DLG2: variants seen among roughly 807,000 people sequenced by gnomAD.
The protein encoded by DLG2 is discs large MAGUK scaffold protein 2, also known as disks large homolog 2.
In DLG2, 45 loss-of-function variants were observed where a neutral mutation model predicts 132.5. That is an observed-to-expected ratio of 0.34 (90% confidence interval 0.27 to 0.44). The LOEUF (loss-of-function observed/expected upper bound fraction) is 0.44. Among genes scored for constraint, DLG2 ranks in the 20% least tolerant of loss-of-function variants. The pLI is 1.00. For missense variants in DLG2, 1,045 were observed against 1,196.9 expected, an observed-to-expected ratio of 0.87 and a Z score of 1.87; for synonymous variants, 424 against 419.6, an observed-to-expected ratio of 1.01 and a Z score of -0.13.
intron 6 of DLG2, among the ~76,000 whole-genome samples, chr11:85,104,381 T>C (rs1187066155): frequency 1.3e-5 from 2 of 151,716 alleles, no homozygotes; most frequent in African/African-American, 4.8e-5. Flanking sequence ...TTCAGCAAAA[T>C]AATGAAGAAA....
At chr11:84,992,366 G>A (rs1217886417) in intron 6 of DLG2, among the ~76,000 whole-genome samples, 2 of 152,104 alleles carry the variant, frequency 1.3e-5, no homozygotes, top group African/African-American at 2.4e-5. Context: ...CCAGATCCTA[G>A]ACTGATATCC....
intron 3 of DLG2, among the ~76,000 whole-genome samples, chr11:85,347,368 C>G (rs981805717): frequency 6.6e-6 from 1 of 152,070 alleles, no homozygotes; most frequent in Non-Finnish European, 1.5e-5. Flanking sequence ...TCCCTGTTAT[C>G]TGATTGCAGA....
At chr11:84,162,400 ATAATC>A (rs2095566295) in intron 9 of DLG2, among the ~76,000 whole-genome samples, 1 of 151,874 alleles carries the variant, frequency 6.6e-6, no homozygotes. Flanking sequence ...ATTTAATAAT[ATAATC>A]TAGGTAGACC....
At chr11:84,060,393 T>G (rs1471377506) in intron 10 of DLG2, among the ~76,000 whole-genome samples, 1 of 152,092 alleles carries the variant, frequency 6.6e-6, no homozygotes, top group Non-Finnish European at 1.5e-5. Flanking sequence ...TTCCCCACCC[T>G]CCTCTCCACC....
chr11:84,413,326 G>C (rs1417861174), intron 7 of DLG2, among the ~76,000 whole-genome samples: 3 of 152,210 alleles, frequency 2.0e-5, no homozygotes, highest in Non-Finnish European at 4.4e-5. Context: ...TACTAGTTTA[G>C]AAGTGGTATT....
intron 15 of DLG2, among the ~76,000 whole-genome samples, chr11:83,884,266 A>C (rs1262900240): frequency 6.6e-6 from 1 of 152,222 alleles, no homozygotes; most frequent in Non-Finnish European, 1.5e-5. Context: ...CGACGGGCTT[A>C]AAAAACGGCG....
chr11:84,066,949 G>T (rs1349667691), intron 10 of DLG2, among the ~76,000 whole-genome samples: 1 of 152,096 alleles, frequency 6.6e-6, no homozygotes, highest in Non-Finnish European at 1.5e-5. Context: ...GAAGAAAGCT[G>T]ATCAATGTTT....
chr11:85,176,128 G>A (rs1390948672), intron 4 of DLG2, among the ~76,000 whole-genome samples: 1 of 152,058 alleles, frequency 6.6e-6, no homozygotes, highest in Non-Finnish European at 1.5e-5. Flanking sequence ...AAATTCATGT[G>A]GAACCAAAAA....
At chr11:84,073,344 GA>G (rs1239676266) in intron 10 of DLG2, among the ~76,000 whole-genome samples, 114 of 138,394 alleles carry the variant, frequency 8.2e-4, no homozygotes, top group African/African-American at 1.5e-3. Flanking sequence ...TTAGCATTAA[GA>G]AAAAAAAAAA....
intron 7 of DLG2, among the ~76,000 whole-genome samples, chr11:84,274,653 C>T (rs558230464): frequency 6.6e-6 from 1 of 152,304 alleles, no homozygotes; most frequent in East Asian, 1.9e-4. Context: ...CTCTTACCTT[C>T]ATTTCTTTTC....
intron 9 of DLG2, among the ~76,000 whole-genome samples, chr11:84,153,137 C>G (rs139750600): frequency 3.3e-4 from 50 of 152,262 alleles, no homozygotes; most frequent in Non-Finnish European, 6.9e-4. Context: ...GTTGGAATGT[C>G]TTTTCTTTGA....
In DLG2 at chr11:83,906,232, GTCTCTCTCTCTC is replaced by G. The variant is rs144862801; in HGVS notation, c.1496+24084_1496+24095del. On this transcript the variant is annotated intron_variant, in intron 15 of 27. Transcript: ENST00000376104. ...TAACTGGAAGATTGCTATAGTAGAT[GTCTCTCTCTCTC>G]TCTCTCTCTCTCTCACACACACACA... 2.0e-3 allele frequency among the ~76,000 whole-genome samples: 140 copies of G among 71,628 alleles called. 4 individuals are homozygous for G. The highest frequency in any genetic ancestry group is 0.015 in the South Asian group (21 of 1,410). 47.0% of individuals were successfully genotyped at this position (71,628 alleles called of 152,430 possible).
At chr11:85,375,843 A>G (rs1449884592) in intron 3 of DLG2, among the ~76,000 whole-genome samples, 1 of 152,362 alleles carries the variant, frequency 6.6e-6, no homozygotes, top group East Asian at 1.9e-4. Context: ...ATTTGCATTC[A>G]GAAACTTAAT....
chr11:84,548,396 G>A (rs1048214977), intron 6 of DLG2, among the ~76,000 whole-genome samples: 4 of 151,870 alleles, frequency 2.6e-5, no homozygotes, highest in South Asian at 2.1e-4. Context: ...ATCATTTAAC[G>A]TTAGGTATAT....
At chr11:84,358,537 G>A (rs2098631374) in intron 7 of DLG2, among the ~76,000 whole-genome samples, 1 of 151,866 alleles carries the variant, frequency 6.6e-6, no homozygotes, top group African/African-American at 2.4e-5. Flanking sequence ...GGGGAAGCTA[G>A]TGATAACTCT....
At chr11:85,147,338 T>G (rs1287746833) in intron 5 of DLG2, among the ~76,000 whole-genome samples, 3 of 152,194 alleles carry the variant, frequency 2.0e-5, no homozygotes, top group African/African-American at 7.2e-5. Flanking sequence ...GCCATCCTAA[T>G]GAGCGTGAAG....
chr11:84,580,742 T>C lies in DLG2; in HGVS notation c.358-46011A>G, dbSNP rs530682076. ...GTTCCTTTGGCATGAATATAGTATT[T>C]TGGTTTCAATTTCATCCTTACCCTA... On this transcript the variant is annotated intron_variant, in intron 6 of 27. Transcript: ENST00000376104. Among the ~76,000 whole-genome samples the C allele has an allele frequency of 8.5e-5, 13 of 152,314 alleles. No individual in the cohort carries two copies. The East Asian group carries it at 2.3e-3, about 27-fold the overall frequency.
intron 3 of DLG2, among the ~76,000 whole-genome samples, chr11:85,597,960 A>T (rs1301497253): frequency 1.3e-5 from 2 of 151,544 alleles, no homozygotes; most frequent in Admixed American, 1.3e-4. Flanking sequence ...ACTTCCTAAA[A>T]TATAAAAAAG....
At chr11:85,058,012 A>G (rs983820293) in intron 6 of DLG2, among the ~76,000 whole-genome samples, 3 of 151,514 alleles carry the variant, frequency 2.0e-5, no homozygotes, top group South Asian at 2.1e-4. Context: ...GTTTAATATT[A>G]GAATGCCAGC....
Sources: gnomAD v4.1 joint callset for allele counts (sites outside exome capture counted in the v4.1 genomes callset) on GRCh38, gnomAD v4.1.1 for gene constraint, MANE v1.5 for transcripts, NCBI Gene and HGNC (gene_info 2026-07-23, HGNC 2026-07-21) for gene names.